Variants in MAPK4 observed in about 807,000 individuals in gnomAD.
MAPK4 encodes the protein Erk3-related.
A neutral mutation model predicts 47.7 loss-of-function variants in MAPK4; 22 were observed. That is an observed-to-expected ratio of 0.46 (90% confidence interval 0.33 to 0.66). MAPK4 has a LOEUF of 0.66. MAPK4 is among the 30% of genes least tolerant of loss of function. MAPK4 has a pLI of 0.02. For missense variants in MAPK4, 736 were observed against 831.7 expected (o/e 0.88, Z 1.42); for synonymous variants, 390 against 365.7 (o/e 1.07, Z -0.76).
chr18:50,651,594 G>A (rs989867730), intron 1 of MAPK4, among the ~76,000 whole-genome samples: 5 of 152,194 alleles, frequency 3.3e-5, no homozygotes, highest in African/African-American at 1.2e-4. Flanking sequence ...CTGACTCTCA[G>A]GGTTTCATAA....
rs570874374 is a variant in MAPK4 at position 50,619,448 on chromosome 18, G to A, written c.-870-43641G>A. Among the ~76,000 whole-genome samples, 10 of 152,094 alleles carry A rather than the reference G, an allele frequency of 6.6e-5. No individual in the cohort carries two copies. In the South Asian group the frequency reaches 1.7e-3, roughly 25 times the overall value. ...CCAACCTCAGCCTCCCAAGTAACTA[G>A]GACTACAGGCATGTGCCACCACACC... is the stretch of plus-strand genomic sequence containing the variant. On this transcript the variant is annotated intron_variant, in intron 1 of 5. Coordinates refer to ENST00000400384, the MANE Select transcript of MAPK4 (RefSeq NM_002747.4).
intron 2 of MAPK4, among the ~76,000 whole-genome samples, chr18:50,700,098 T>TG (rs1909707981): frequency 6.6e-6 from 1 of 152,282 alleles, no homozygotes; most frequent in Admixed American, 6.5e-5. Context: ...CTCCACCCCC[T>TG]GGAAGTTGGG....
intron 2 of MAPK4, among the ~76,000 whole-genome samples, chr18:50,702,992 C>T (rs1909871054): frequency 3.3e-5 from 5 of 152,208 alleles, no homozygotes; most frequent in Admixed American, 3.3e-4. Flanking sequence ...TGCAGGTTTT[C>T]CCAGAATACA....
At chr18:50,618,323 A>G (rs2042702712) in intron 1 of MAPK4, among the ~76,000 whole-genome samples, 1 of 152,180 alleles carries the variant, frequency 6.6e-6, no homozygotes, top group South Asian at 2.1e-4. Context: ...ACTAGTTACT[A>G]CGCCCTGTAC....
At chr18:50,615,151 G>A (rs2042673169) in intron 1 of MAPK4, among the ~76,000 whole-genome samples, 1 of 152,156 alleles carries the variant, frequency 6.6e-6, no homozygotes, top group African/African-American at 2.4e-5. Flanking sequence ...TCGGTGCCCA[G>A]CACTGGGTCC....
chr18:50,703,485 A>G (rs1909894998), intron 2 of MAPK4, among the ~76,000 whole-genome samples: 1 of 152,188 alleles, frequency 6.6e-6, no homozygotes, highest in African/African-American at 2.4e-5. Context: ...GGCTCTCAGG[A>G]TAAGTGGGGG....
At chr18:50,686,944 G>T (rs1179228468) in intron 2 of MAPK4, among the ~76,000 whole-genome samples, 1 of 152,154 alleles carries the variant, frequency 6.6e-6, no homozygotes, top group East Asian at 1.9e-4. Context: ...GACGGCCAAG[G>T]ATTGTGTGTG....
intron 2 of MAPK4, among the ~76,000 whole-genome samples, chr18:50,667,267 T>C (rs906371255): frequency 6.6e-6 from 1 of 152,208 alleles, no homozygotes; most frequent in East Asian, 1.9e-4. Context: ...TTCTTTATGG[T>C]TCCCCTCCAT....
In MAPK4 at chr18:50,641,089, TC is replaced by T. The variant is rs1455845457; in HGVS notation, c.-870-21998del. ...AAAAAGGGGAGAGTTGAGTGAGAAG[TC>T]CTGTTTGTGACCCATGAAGCCAGGC... On this transcript the variant is annotated intron_variant, in intron 1 of 5. Coordinates refer to ENST00000400384, the MANE Select transcript of MAPK4 (RefSeq NM_002747.4). Among the ~76,000 whole-genome samples the T allele has an allele frequency of 2.0e-5, 3 of 152,322 alleles. No homozygotes were observed. The South Asian group carries it at 6.2e-4, about 32-fold the overall frequency.
intron 1 of MAPK4, among the ~76,000 whole-genome samples, chr18:50,623,941 C>T (rs775621427): frequency 3.9e-5 from 6 of 152,234 alleles, no homozygotes; most frequent in African/African-American, 7.2e-5. Flanking sequence ...GCCTGGATTG[C>T]TCTTCCTCAA....
chr18:50,640,793 C>T (rs1175511641), intron 1 of MAPK4, among the ~76,000 whole-genome samples: 1 of 152,038 alleles, frequency 6.6e-6, no homozygotes, highest in African/African-American at 2.4e-5. Context: ...TCTTTCATCC[C>T]TTCTGTTGGC....
At chr18:50,579,725 C>G (rs757793053) in intron 1 of MAPK4, among the ~76,000 whole-genome samples, 2 of 152,132 alleles carry the variant, frequency 1.3e-5, no homozygotes, top group Non-Finnish European at 2.9e-5. Context: ...CAGGATGGTG[C>G]CAGTGCTGGG....
intron 1 of MAPK4, among the ~76,000 whole-genome samples, chr18:50,619,464 C>T (rs7233571): frequency 1.3e-5 from 2 of 152,108 alleles, no homozygotes; most frequent in East Asian, 1.9e-4. Context: ...CAGGCATGTG[C>T]CACCACACCT....
intron 1 of MAPK4, among the ~76,000 whole-genome samples, chr18:50,613,462 C>G (rs1037580167): frequency 1.3e-5 from 2 of 152,208 alleles, no homozygotes; most frequent in Non-Finnish European, 2.9e-5. Flanking sequence ...CCAGGCAAGC[C>G]TCCAGATGAG....
chr18:50,576,822 C>T (rs1490909708), intron 1 of MAPK4, among the ~76,000 whole-genome samples: 3 of 152,182 alleles, frequency 2.0e-5, no homozygotes, highest in Non-Finnish European at 4.4e-5. Context: ...ATGCCAAGCC[C>T]TGCTCTGGAT....
At chr18:50,609,306 C>T (rs1467610480) in intron 1 of MAPK4, among the ~76,000 whole-genome samples, 4 of 151,296 alleles carry the variant, frequency 2.6e-5, no homozygotes, top group African/African-American at 7.3e-5. Context: ...CAGGCAGAGG[C>T]GCCCCCCACC....
chr18:50,621,883 AT>A (rs1470939625), intron 1 of MAPK4, among the ~76,000 whole-genome samples: 1 of 152,230 alleles, frequency 6.6e-6, no homozygotes, highest in African/African-American at 2.4e-5. Flanking sequence ...TAATGCCATC[AT>A]TTCATGTGCT....
At chr18:50,584,657 G>A (rs1406856153) in intron 1 of MAPK4, among the ~76,000 whole-genome samples, 1 of 152,182 alleles carries the variant, frequency 6.6e-6, no homozygotes, top group Non-Finnish European at 1.5e-5. Flanking sequence ...CCTTAGTTAA[G>A]CACTAGTTCT....
chr18:50,565,941 T>C (rs2042194729), intron 1 of MAPK4, among the ~76,000 whole-genome samples: 1 of 152,252 alleles, frequency 6.6e-6, no homozygotes, highest in African/African-American at 2.4e-5. Context: ...TGTATGACTT[T>C]AAGAACTTAA....
Sources: gnomAD v4.1 joint callset for allele counts (sites outside exome capture counted in the v4.1 genomes callset) on GRCh38, gnomAD v4.1.1 for gene constraint, MANE v1.5 for transcripts, NCBI Gene and HGNC (gene_info 2026-07-23, HGNC 2026-07-21) for gene names.